Variants in DDX21 observed in about 807,000 individuals in gnomAD.
The protein encoded by DDX21 is nucleolar RNA helicase 2.
A neutral mutation model predicts 90.0 loss-of-function variants in DDX21; 18 were observed. That is an observed-to-expected ratio of 0.20 (90% CI 0.14 to 0.30). DDX21 has a LOEUF of 0.30. Among genes scored for constraint, DDX21 ranks in the 10% least tolerant of loss-of-function variants. The probability of loss-of-function intolerance (pLI) is 1.00; values close to 1 mark genes in which losing one functional copy is unlikely to be tolerated. For missense variants in DDX21, 673 were observed against 944.5 expected, an observed-to-expected ratio of 0.71 and a Z score of 3.77; for synonymous variants, 294 against 318.0, an observed-to-expected ratio of 0.92 and a Z score of 0.80.
chr10:68,979,038 G>T, intron 13 of DDX21, 62 bp downstream of exon 13: 1 of 1,602,656 alleles, frequency 6.2e-7, no homozygotes, highest in African/African-American at 1.3e-5. Context: ...AAACAGTGTG[G>T]TGTGGGTTCT....
Position 68,961,300 on chromosome 10 carries a change from T to C in DDX21, c.532-782T>C, listed in dbSNP as rs2132079910. On this transcript the variant is annotated intron_variant, in intron 2 of 14. Transcript: ENST00000354185. ...TCATGGTCAACATTTGTAACTTTTT[T>C]CCTGATTATAAAAAATATGTGATCC... Among the ~76,000 whole-genome samples, 2 of 152,302 alleles carry C rather than the reference T, an allele frequency of 1.3e-5. 1 individual carries two copies. Among genetic ancestry groups the C allele is most frequent in the East Asian group, 3.9e-4 (2 of 5,188 alleles).
chr10:68,965,288 G>A (rs928373020), intron 4 of DDX21, 89 bp from the exon 5 acceptor site: 17 of 1,013,420 alleles, frequency 1.7e-5, no homozygotes, highest in Admixed American at 4.0e-5. Flanking sequence ...TGTTCAAGTC[G>A]TTCTTTTCCT....
At position 68,983,452 on chromosome 10, in the gene DDX21, A is replaced by T. The variant is rs1260360571; in HGVS notation, c.*640A>T. ...TGATACATTTTTAGCTTCTCATTAT[A>T]AGGTGATTCATGCTTTAGTGAATTC... is the stretch of plus-strand genomic sequence containing the variant. On this transcript the variant is annotated 3_prime_UTR_variant, in exon 15 of 15. Transcript: ENST00000354185. 6.6e-6 allele frequency: 1 copy of T among 152,458 alleles called. No homozygotes were observed. The highest frequency in any genetic ancestry group is 1.5e-5 in the Non-Finnish European group (1 of 68,232). The allele number at this position is 152,458 out of a possible 1,614,324, so 9.4% of individuals were successfully genotyped here.
Position 68,983,256 on chromosome 10 carries a change from A to G in DDX21, c.*444A>G, listed in dbSNP as rs1843221215. On this transcript the variant is annotated 3_prime_UTR_variant, in exon 15 of 15. Transcript: ENST00000354185. ...TTAAGGTTTCCTCAGCCACCTGCCG[A>G]ACAGTTTCTCATGTGGTCCTATTAT... 5.6e-6 allele frequency: 1 copy of G among 178,362 alleles called. No homozygotes were observed. Among genetic ancestry groups the G allele is most frequent in the Non-Finnish European group, 1.2e-5 (1 of 82,162 alleles). 11.0% of individuals were successfully genotyped at this position (178,362 alleles called of 1,614,324 possible). A position where few individuals can be genotyped will look rare whatever the true frequency, so the allele number is the denominator to read the frequency against.
intron 13 of DDX21, among the ~76,000 whole-genome samples, chr10:68,980,329 A>G (rs1295491010): frequency 1.3e-5 from 2 of 152,156 alleles, no homozygotes; most frequent in African/African-American, 2.4e-5. Context: ...AGGCAATGTT[A>G]GGGGCGTCTT....
chr10:68,970,477 G>T, intron 8 of DDX21, 127 bp downstream of exon 8: 1 of 901,632 alleles, frequency 1.1e-6, no homozygotes, highest in Non-Finnish European at 1.6e-6. Context: ...AGAAATGAGA[G>T]GAAGCTACTT....
intron 8 of DDX21, among the ~76,000 whole-genome samples, chr10:68,971,436 C>T (rs950697279): frequency 2.6e-5 from 4 of 151,962 alleles, no homozygotes; most frequent in South Asian, 4.2e-4. Context: ...TAGTAGAGAC[C>T]GAGTCTTGCC....
intron 11 of DDX21, among the ~76,000 whole-genome samples, chr10:68,976,765 G>T (rs879444848): frequency 6.6e-6 from 1 of 152,138 alleles, no homozygotes; most frequent in Non-Finnish European, 1.5e-5. Context: ...CAGCGTGCCA[G>T]CCCTGACACG....
At chr10:68,980,196 C>T (rs1023014771) in intron 13 of DDX21, among the ~76,000 whole-genome samples, 6 of 152,050 alleles carry the variant, frequency 3.9e-5, no homozygotes, top group African/African-American at 9.7e-5. Context: ...GCCGAGATCG[C>T]GCCATTACAC....
At chr10:68,978,713 T>C (rs1843142720) in intron 12 of DDX21, 129 bp from the exon 13 acceptor site, 2 of 1,221,678 alleles carry the variant, frequency 1.6e-6, no homozygotes, top group Non-Finnish European at 2.3e-6. Flanking sequence ...TTCGTACTAA[T>C]TGTTTGTGTG....
rs1435136281 is a variant in DDX21 at position 68,962,088 on chromosome 10, C to T, written c.538C>T (p.Pro180Ser). ...ATGGCCCTTTACTTGATAGGAAATACCTGTGGAACAAAAAGAAGGCGCTTT... is the reference window on the plus strand; with the variant it reads ...ATGGCCCTTTACTTGATAGGAAATATCTGTGGAACAAAAAGAAGGCGCTTT... ...ESNSEIEQEIPVEQKEGAFSN... is the reference protein window; with the variant it reads ...ESNSEIEQEISVEQKEGAFSN... The change falls in exon 3 of 15, where the codon CCT becomes TCT. Residue 180 changes from proline (P) to serine (S), a missense_variant. Pro to Ser is a moderately conservative substitution (Grantham distance 74, BLOSUM62 -1). Transcript: ENST00000354185. The T allele has an allele frequency of 6.2e-7, 1 of 1,610,936 alleles. No homozygotes were observed. The highest frequency in any genetic ancestry group is 1.1e-5 in the South Asian group (1 of 90,772).
chr10:68,963,746 C>T (rs1393629556), intron 4 of DDX21, among the ~76,000 whole-genome samples: 1 of 151,934 alleles, frequency 6.6e-6, no homozygotes, highest in Non-Finnish European at 1.5e-5. Context: ...TTAGATGTCC[C>T]TGGGGCTCAT....
chr10:68,965,599 C>A, intron 5 of DDX21, 105 bp downstream of exon 5: 1 of 786,974 alleles, frequency 1.3e-6, no homozygotes, highest in Non-Finnish European at 2.1e-6. Flanking sequence ...ATAGGATAGT[C>A]GTTTATGGGG....
chr10:68,964,661 CTT>C (rs370442851), intron 4 of DDX21, among the ~76,000 whole-genome samples: 50 of 100,078 alleles, frequency 5.0e-4, no homozygotes, highest in Middle Eastern at 7.9e-3. Flanking sequence ...TGCACCTGGA[CTT>C]TTTTTTTTTT....
At chr10:68,956,634 T>C in intron 1 of DDX21, 1 of 1,190,228 alleles carries the variant, frequency 8.4e-7, no homozygotes, top group East Asian at 4.8e-5. Context: ...CCCCGGCGAC[T>C]TGGGCGCGCC....
rs1304116146 is a variant in DDX21, at chr10:68,962,176, T to C, written c.607+19T>C. The C allele has an allele frequency of 9.1e-6, 14 of 1,541,848 alleles. No individual in the cohort carries two copies. Among genetic ancestry groups the C allele is most frequent in the Admixed American group, 1.8e-5 (1 of 57,084 alleles). The stretch of plus-strand genomic sequence containing the variant: ...CTCAAAGGTAATGTTCTTGGAAATA[T>C]CGTATGATGTTAGAACGTATTATTT... On this transcript the variant is annotated intron_variant, in intron 3 of 14. Coordinates refer to ENST00000354185, the MANE Select transcript of DDX21 (RefSeq NM_004728.4).
intron 6 of DDX21, among the ~76,000 whole-genome samples, chr10:68,968,756 A>T (rs1842978224): frequency 6.6e-6 from 1 of 152,258 alleles, no homozygotes; most frequent in Non-Finnish European, 1.5e-5. Context: ...ACTTTAAAGT[A>T]CTTTCACTAT....
At chr10:68,974,160 A>T (rs144833650) in intron 10 of DDX21, among the ~76,000 whole-genome samples, 31 of 152,316 alleles carry the variant, frequency 2.0e-4, no homozygotes, top group African/African-American at 7.2e-4. Context: ...ATGAACAAAC[A>T]CTACCTGGGC....
intron 13 of DDX21, among the ~76,000 whole-genome samples, chr10:68,980,447 T>G (rs1843169475): frequency 1.3e-5 from 2 of 152,156 alleles, no homozygotes; most frequent in Non-Finnish European, 2.9e-5. Context: ...AAAACTGTTT[T>G]CTAATTACCT....
Sources: allele counts gnomAD v4.1 joint callset (sites outside exome capture counted in the v4.1 genomes callset), GRCh38; gene constraint gnomAD v4.1.1; transcripts MANE v1.5; gene names NCBI Gene and HGNC (gene_info 2026-07-23, HGNC 2026-07-21).